The following FBXL4 variants were observed in gnomAD, a reference collection of about 807,000 sequenced individuals.
FBXL4 encodes F-box/LRR-repeat protein 4.
Under a neutral mutation model 58.9 loss-of-function variants are expected in FBXL4, and 40 were observed. That is an observed-to-expected ratio of 0.68 (90% confidence interval 0.53 to 0.88). FBXL4 has a LOEUF of 0.88. Ranked by LOEUF, FBXL4 falls within the 40% of genes least tolerant of loss-of-function variation. The pLI, the probability that FBXL4 is intolerant of heterozygous loss-of-function variation, is 0.00. For synonymous variants in FBXL4, 263 were observed against 265.5 expected, an observed-to-expected ratio of 0.99 and a Z score of 0.09; for missense variants, 676 against 734.4, an observed-to-expected ratio of 0.92 and a Z score of 0.92.
chr6:98,924,300 T>TGGG (rs1772690330), intron 4 of FBXL4, among the ~76,000 whole-genome samples: 1 of 152,192 alleles, frequency 6.6e-6, no homozygotes, highest in East Asian at 1.9e-4. Flanking sequence ...CTCCCATCTG[T>TGGG]AATTCCAGCA....
intron 8 of FBXL4, among the ~76,000 whole-genome samples, chr6:98,878,624 C>T (rs1315315661): frequency 6.6e-6 from 1 of 152,028 alleles, no homozygotes; most frequent in Non-Finnish European, 1.5e-5. Flanking sequence ...TAAAATAATA[C>T]AATTTCAATT....
chr6:98,896,356 T>G (rs369451130), intron 7 of FBXL4, among the ~76,000 whole-genome samples: 5 of 152,224 alleles, frequency 3.3e-5, no homozygotes, highest in African/African-American at 9.6e-5. Flanking sequence ...TGAATACTAG[T>G]GCTGTAGCTT....
chr6:98,900,596 T>A (rs1562227794), intron 6 of FBXL4, among the ~76,000 whole-genome samples: 1 of 151,658 alleles, frequency 6.6e-6, no homozygotes, highest in Non-Finnish European at 1.5e-5. Context: ...GTAACAACAT[T>A]CACCACACTG....
At chr6:98,910,209 C>A (rs562051280) in intron 5 of FBXL4, among the ~76,000 whole-genome samples, 1 of 152,114 alleles carries the variant, frequency 6.6e-6, no homozygotes, top group Non-Finnish European at 1.5e-5. Flanking sequence ...AGGAATATTT[C>A]GAAACTGGTG....
At chr6:98,944,344 A>G (rs1773542580) in intron 1 of FBXL4, among the ~76,000 whole-genome samples, 1 of 152,234 alleles carries the variant, frequency 6.6e-6, no homozygotes, top group East Asian at 1.9e-4. Flanking sequence ...CACAATATGT[A>G]AAGAGCTATT....
chr6:98,914,655 G>C lies in FBXL4; in HGVS notation c.858+2719C>G, dbSNP rs1226246152. ...AAAAACTCTCAATAAATTAGGTATT[G>C]ATGGGACATATCTCAAAATCATAAG... On this transcript the variant is annotated intron_variant, in intron 5 of 9. Transcript: ENST00000369244. Among the ~76,000 whole-genome samples, 7 of 152,272 alleles carry C rather than the reference G, an allele frequency of 4.6e-5. No individual in the cohort carries two copies. In the East Asian group the frequency reaches 1.2e-3, roughly 25 times the overall value.
In FBXL4 at chr6:98,873,326, G is replaced by A. The variant is rs1770545027; in HGVS notation, c.*952C>T. ...TGTATATATTAAAAATCATAAATGT[G>A]GATATATATTATCTATAATATGTAT... is the stretch of plus-strand genomic sequence containing the variant. On this transcript the variant is annotated 3_prime_UTR_variant, in exon 10 of 10. Coordinates refer to ENST00000369244, the MANE Select transcript of FBXL4 (RefSeq NM_001278716.2). 6.9e-6 allele frequency: 1 copy of A among 145,308 alleles called. No individual in the cohort carries two copies. The highest frequency in any genetic ancestry group is 2.5e-5 in the African/African-American group (1 of 39,762). 9.0% of individuals were successfully genotyped at this position (145,308 alleles called of 1,614,324 possible). A position where few individuals can be genotyped will look rare whatever the true frequency, so the allele number is the denominator to read the frequency against.
At chr6:98,924,924 G>A (rs1018483823) in intron 4 of FBXL4, among the ~76,000 whole-genome samples, 8 of 152,148 alleles carry the variant, frequency 5.3e-5, no homozygotes, top group African/African-American at 1.4e-4. Context: ...GAATGAGAGC[G>A]GGAATTTTTA....
intron 7 of FBXL4, among the ~76,000 whole-genome samples, chr6:98,888,299 T>C (rs538614072): frequency 6.2e-4 from 94 of 152,344 alleles, no homozygotes; most frequent in African/African-American, 2.2e-3. Context: ...AACAGCAGGA[T>C]TGAGTAGCTG....
Position 98,914,009 on chromosome 6 carries a change from A to G in FBXL4, c.858+3365T>C, listed in dbSNP as rs139678992. ...ATCACCACCGATCCCACAGAAATAC[A>G]AACTACCATCAGAGAATACTACACA... is the stretch of plus-strand genomic sequence containing the variant. On this transcript the variant is annotated intron_variant, in intron 5 of 9. Coordinates refer to ENST00000369244, the MANE Select transcript of FBXL4 (RefSeq NM_001278716.2). Among the ~76,000 whole-genome samples, 13 of 152,356 alleles carry G rather than the reference A, an allele frequency of 8.5e-5. No individual in the cohort carries two copies. In the East Asian group the frequency reaches 1.5e-3, roughly 18 times the overall value.
chr6:98,875,811 C>A (rs1770642331), intron 8 of FBXL4, 84 bp from the exon 9 acceptor site: 4 of 1,343,122 alleles, frequency 3.0e-6, no homozygotes, highest in Non-Finnish European at 4.2e-6. Context: ...TTAATTATAA[C>A]CTATTGCTTT....
intron 7 of FBXL4, among the ~76,000 whole-genome samples, chr6:98,884,211 T>A (rs1048647828): frequency 1.3e-5 from 2 of 152,080 alleles, no homozygotes; most frequent in African/African-American, 4.8e-5. Flanking sequence ...AACAATCCTA[T>A]TCACTCATTC....
chr6:98,941,227 GA>G lies in FBXL4; in HGVS notation c.-308-6349del, dbSNP rs55967712. 2.0e-3 allele frequency among the ~76,000 whole-genome samples: 293 copies of G among 143,698 alleles called. 3 individuals are homozygous for G. Among genetic ancestry groups the G allele is most frequent in the African/African-American group, 6.1e-3 (242 of 39,374 alleles). 94.3% of individuals were successfully genotyped at this position (143,698 alleles called of 152,430 possible). On this transcript the variant is annotated intron_variant, in intron 1 of 9. Coordinates refer to ENST00000369244, the MANE Select transcript of FBXL4 (RefSeq NM_001278716.2). ...ATCCATACAATGAGTTACTACTCAG[GA>G]AAAAAAAAAAGAAAGAACCACCAAT... is the stretch of plus-strand genomic sequence containing the variant.
chr6:98,898,684 A>G, intron 7 of FBXL4: 1 of 985,172 alleles, frequency 1.0e-6, no homozygotes, highest in African/African-American at 1.7e-5. Context: ...GAAAAACTAA[A>G]TGTTGATCAT....
At chr6:98,915,633 C>G (rs1183828551) in intron 5 of FBXL4, among the ~76,000 whole-genome samples, 4 of 152,098 alleles carry the variant, frequency 2.6e-5, no homozygotes, top group African/African-American at 9.7e-5. Flanking sequence ...AAAGCTGAAA[C>G]TGGATCCCTT....
chr6:98,922,177 C>T (rs974978405), intron 4 of FBXL4, among the ~76,000 whole-genome samples: 3 of 152,136 alleles, frequency 2.0e-5, no homozygotes, highest in East Asian at 1.9e-4. Context: ...CCGCCCCCCT[C>T]GGCCTCCCAA....
At chr6:98,901,088 TA>T (rs1771593670) in intron 6 of FBXL4, among the ~76,000 whole-genome samples, 1 of 152,146 alleles carries the variant, frequency 6.6e-6, no homozygotes, top group Admixed American at 6.6e-5. Context: ...TGAAGCTTAC[TA>T]ATGTTTTGAA....
chr6:98,941,128 T>G (rs1040829134), intron 1 of FBXL4, among the ~76,000 whole-genome samples: 7 of 152,160 alleles, frequency 4.6e-5, no homozygotes, highest in African/African-American at 1.7e-4. Flanking sequence ...CAAATGTTTA[T>G]AGCAGATTTA....
intron 5 of FBXL4, among the ~76,000 whole-genome samples, chr6:98,911,457 C>A (rs904817503): frequency 6.6e-6 from 1 of 152,200 alleles, no homozygotes; most frequent in Admixed American, 6.5e-5. Context: ...ACACCTCACA[C>A]GGCCGGGTAC....
Sources: allele counts gnomAD v4.1 joint callset (sites outside exome capture counted in the v4.1 genomes callset), GRCh38; gene constraint gnomAD v4.1.1; transcripts MANE v1.5; gene names NCBI Gene and HGNC (gene_info 2026-07-23, HGNC 2026-07-21).